DPP6: variants seen among roughly 807,000 people sequenced by gnomAD.
DPP6 encodes dipeptidyl peptidase like 6.
DPP6 carries 69 observed loss-of-function variants against 122.6 expected under a neutral mutation model. That is an observed-to-expected ratio of 0.56 (90% CI 0.46 to 0.69). The LOEUF is 0.69. Among genes scored for constraint, DPP6 ranks in the 30% least tolerant of loss-of-function variants. The probability of loss-of-function intolerance (pLI) is 0.00; values close to 1 mark genes in which losing one functional copy is unlikely to be tolerated. For synonymous variants in DPP6, 418 were observed against 433.1 expected, an observed-to-expected ratio of 0.97 and a Z score of 0.43; for missense variants, 928 against 1,116.9, an observed-to-expected ratio of 0.83 and a Z score of 2.41.
chr7:154,185,615 C>A (rs1039001530), intron 1 of DPP6, among the ~76,000 whole-genome samples: 2 of 152,066 alleles, frequency 1.3e-5, no homozygotes, highest in African/African-American at 4.8e-5. Flanking sequence ...TCATCCTGAT[C>A]GTTAGAAATC....
At chr7:154,008,630 T>A (rs568776490) in intron 1 of DPP6, among the ~76,000 whole-genome samples, 2 of 151,538 alleles carry the variant, frequency 1.3e-5, no homozygotes, top group East Asian at 3.9e-4. Context: ...CTGCAATAAG[T>A]ACAGTAATTA....
At chr7:153,842,329 ATTC>A in the DPP6 span, among the ~76,000 whole-genome samples, 3 of 152,158 alleles carry the variant, frequency 2.0e-5, no homozygotes, top group Admixed American at 2.0e-4. Context: ...GTAATTTACC[ATTC>A]TTTATTTGCA....
chr7:154,454,487 G>C (rs918654123), intron 2 of DPP6, among the ~76,000 whole-genome samples: 3 of 152,194 alleles, frequency 2.0e-5, no homozygotes, highest in Non-Finnish European at 2.9e-5. Flanking sequence ...CGTGGAGAAT[G>C]AGCAATTAGG....
chr7:154,568,420 A>G (rs548212815), intron 5 of DPP6, among the ~76,000 whole-genome samples: 3 of 152,366 alleles, frequency 2.0e-5, no homozygotes, highest in South Asian at 2.1e-4. Flanking sequence ...GCACCCCGAC[A>G]GTGGGATGGA....
intron 1 of DPP6, among the ~76,000 whole-genome samples, chr7:154,146,511 T>TGGGTGTA (rs2150672978): frequency 6.6e-6 from 1 of 152,222 alleles, no homozygotes; most frequent in Admixed American, 6.5e-5. Flanking sequence ...GCTGATTCTT[T>TGGGTGTA]CCCTCCCTCC....
chr7:154,001,075 G>A (rs1017743770), intron 1 of DPP6, among the ~76,000 whole-genome samples: 1 of 151,950 alleles, frequency 6.6e-6, no homozygotes, highest in Admixed American at 6.6e-5. Flanking sequence ...TTCCATCCCT[G>A]TCCTCCTCAC....
chr7:154,546,139 T>C (rs975855952), intron 4 of DPP6, among the ~76,000 whole-genome samples: 7 of 152,242 alleles, frequency 4.6e-5, no homozygotes, highest in African/African-American at 1.7e-4. Context: ...GATGTATTCA[T>C]TAAAATAATA....
chr7:153,758,254 C>G, the DPP6 span, among the ~76,000 whole-genome samples: 4 of 152,144 alleles, frequency 2.6e-5, no homozygotes, highest in African/African-American at 9.7e-5. Flanking sequence ...TTGAAGTCAG[C>G]TAAGTCAAGA....
chr7:154,721,714 C>T (rs1007394948), intron 7 of DPP6, among the ~76,000 whole-genome samples: 2 of 152,108 alleles, frequency 1.3e-5, no homozygotes, highest in Non-Finnish European at 2.9e-5. Flanking sequence ...ATGACACCTC[C>T]TCTGAAGCCT....
chr7:154,281,621 A>G (rs975702535), intron 1 of DPP6, among the ~76,000 whole-genome samples: 4 of 152,230 alleles, frequency 2.6e-5, no homozygotes, highest in African/African-American at 9.6e-5. Context: ...TGACTATGTA[A>G]GAGAAGGCAC....
In DPP6 at chr7:154,773,871, G is replaced by C. The variant is rs189393474; in HGVS notation, c.1136+929G>C. 5.0e-3 allele frequency among the ~76,000 whole-genome samples: 766 copies of C among 152,284 alleles called. 3 individuals are homozygous for C. Among genetic ancestry groups the C allele is most frequent in the Middle Eastern group, 0.02 (6 of 294 alleles). ...TCGGGGATGGATGCTCCAGCACCTG[G>C]TGACTCTGGACCTCTCTGAATGATG... On this transcript the variant is annotated intron_variant, in intron 10 of 25. Transcript: ENST00000377770.
intron 12 of DPP6, among the ~76,000 whole-genome samples, chr7:154,797,502 C>A (rs1798114084): frequency 6.6e-6 from 1 of 152,090 alleles, no homozygotes; most frequent in African/African-American, 2.4e-5. Context: ...TTCTGTCTAC[C>A]TTTTGGCTGT....
chr7:154,311,896 A>G (rs570428783), intron 1 of DPP6, among the ~76,000 whole-genome samples: 10 of 152,344 alleles, frequency 6.6e-5, no homozygotes, highest in East Asian at 1.9e-4. Flanking sequence ...TTAAACAAAA[A>G]GTGTAAGGTG....
chr7:153,839,860 C>G, the DPP6 span, among the ~76,000 whole-genome samples: 4 of 152,170 alleles, frequency 2.6e-5, no homozygotes, highest in East Asian at 5.8e-4. Flanking sequence ...GTTTCTGATT[C>G]CCAAGTGAGG....
intron 1 of DPP6, among the ~76,000 whole-genome samples, chr7:154,156,850 G>C (rs1057181491): frequency 3.5e-5 from 5 of 144,110 alleles, no homozygotes; most frequent in African/African-American, 1.4e-4. Context: ...TTTAGCCAAA[G>C]GAGACCAGAG....
At chr7:154,040,548 C>G (rs545822554) in intron 1 of DPP6, among the ~76,000 whole-genome samples, 1 of 146,480 alleles carries the variant, frequency 6.8e-6, no homozygotes, top group African/African-American at 2.7e-5. Context: ...AAATATGGAG[C>G]GAGGCTCACA....
At chr7:154,229,944 TTACA>T (rs1191216462) in intron 1 of DPP6, among the ~76,000 whole-genome samples, 5 of 152,234 alleles carry the variant, frequency 3.3e-5, no homozygotes, top group African/African-American at 1.2e-4. Context: ...TTTGAAGAAC[TTACA>T]TATAATATTT....
At chr7:154,797,381 T>G (rs989809901) in intron 12 of DPP6, among the ~76,000 whole-genome samples, 1 of 152,062 alleles carries the variant, frequency 6.6e-6, no homozygotes, top group Non-Finnish European at 1.5e-5. Flanking sequence ...TATGTATATA[T>G]ACATATATAT....
intron 1 of DPP6, among the ~76,000 whole-genome samples, chr7:153,894,806 G>A (rs895696333): frequency 6.6e-6 from 1 of 152,200 alleles, no homozygotes; most frequent in African/African-American, 2.4e-5. Flanking sequence ...TGCAGAACCA[G>A]TGGATCAGAG....
Sources: allele counts gnomAD v4.1 joint callset (sites outside exome capture counted in the v4.1 genomes callset), GRCh38; gene constraint gnomAD v4.1.1; transcripts MANE v1.5; gene names NCBI Gene and HGNC (gene_info 2026-07-23, HGNC 2026-07-21).